The following NOC2L variants were observed in gnomAD, a reference collection of about 807,000 sequenced individuals.
NOC2L encodes NOC2 like nucleolar associated transcriptional repressor.
Under a neutral mutation model 94.2 loss-of-function variants are expected in NOC2L, and 101 were observed. The ratio of observed to expected loss-of-function variants is 1.07; its 90% CI spans 0.91 to 1.26. The LOEUF is 1.26. Among genes scored for constraint, NOC2L ranks in the 50% most tolerant of loss-of-function variants. The probability of loss-of-function intolerance (pLI) is 0.00; values close to 1 mark genes in which losing one functional copy is unlikely to be tolerated. For missense variants in NOC2L, 1,076 were observed against 980.1 expected, an observed-to-expected ratio of 1.10 and a Z score of -1.31; for synonymous variants, 531 against 413.4, an observed-to-expected ratio of 1.28 and a Z score of -3.45.
chr1:945,124 A>G lies in NOC2L; in HGVS notation c.2076T>C (p.Thr692=). Residue 692 remains threonine, a synonymous_variant, in exon 18 of 19, where the codon ACT becomes ACC. Transcript: ENST00000327044. ...CTTCATCGTCTTCCACCCCATGCCG[A>G]GTGCTCAGGGGCCTCAGTATCCCTG... ...SERGILRPLS[T]RHGVEDDEED... is the part of the protein sequence containing the mutation. 2 of 1,611,834 alleles carry G rather than the reference A, an allele frequency of 1.2e-6. No homozygotes were observed. The highest frequency in any genetic ancestry group is 1.1e-5 in the South Asian group (1 of 90,720).
intron 5 of NOC2L, 28 bp downstream of exon 5, chr1:956,067 C>G (rs1231730018): frequency 6.2e-7 from 1 of 1,614,066 alleles, no homozygotes. Context: ...AACAGACAGC[C>G]TGGATGCCAG....
rs1323902833 is a variant in NOC2L, at chr1:957,239, G to A, written c.214C>T (p.Gln72Ter). Residue 72 changes from glutamine (Q) to a stop codon, truncating the protein, a stop_gained, in exon 3 of 19, where the codon CAG becomes TAG. Transcript: ENST00000327044. LOFTEE classifies it high-confidence loss of function. ...TCTCTGTCCTTCAGCCGAGAGAGCT[G>A]GTCTTTGTGCTCAGAGGCACGGCCT... The part of the protein sequence containing the change: ...RKGRASEHKD[Q>*]LSRLKDRDPE... 3.7e-6 allele frequency: 6 copies of A among 1,613,866 alleles called. No homozygotes were observed. The highest frequency in any genetic ancestry group is 5.1e-6 in the Non-Finnish European group (6 of 1,180,024).
At position 946,181 on chromosome 1, in the gene NOC2L, T is replaced by G; in HGVS notation, c.1909A>C (p.Lys637Gln). Reference protein sequence around the residue: ...DREIQLEISGKERLEDLNFPE... With the variant: ...DREIQLEISGQERLEDLNFPE... ...CCCTCGCCGAGCCGCACCCGCTCTT[T>G]GCCACTGATCTCCAGCTGGATCTCC... Residue 637 changes from lysine to glutamine, a missense_variant, in exon 16 of 19, where the codon AAA (lysine) becomes CAA (glutamine). This residue lies in a region of NOC2L where 615 missense variants were observed against 577.4 expected (regional missense o/e 1.07). Coordinates refer to ENST00000327044, the MANE Select transcript of NOC2L (RefSeq NM_015658.4). 6.2e-7 allele frequency: 1 copy of G among 1,610,274 alleles called. No individual in the cohort carries two copies. The highest frequency in any genetic ancestry group is 8.5e-7 in the Non-Finnish European group (1 of 1,177,382).
Position 944,223 on chromosome 1 carries a change from C to T in NOC2L, c.*471G>A. ...ACCACTCAACACAATGGCCCTGCCTCCCACCGCTTTATTTCTTTCGGTTTC... is the reference window on the plus strand; with the variant it reads ...ACCACTCAACACAATGGCCCTGCCTTCCACCGCTTTATTTCTTTCGGTTTC... On this transcript the variant is annotated 3_prime_UTR_variant, in exon 19 of 19. Transcript: ENST00000327044. 3.4e-6 allele frequency: 5 copies of T among 1,467,104 alleles called. No homozygotes were observed. Among genetic ancestry groups the T allele is most frequent in the Non-Finnish European group, 4.5e-6 (5 of 1,110,436 alleles). 90.9% of individuals were successfully genotyped at this position (1,467,104 alleles called of 1,614,324 possible). A position where few individuals can be genotyped will look rare whatever the true frequency, so the allele number is the denominator to read the frequency against.
chr1:956,898 G>A lies in NOC2L; in HGVS notation c.482C>T (p.Ala161Val). Residue 161 changes from alanine to valine, a missense_variant, in exon 4 of 19, where the codon GCA becomes GTA. Around this residue, in one of 3 missense-constraint regions of NOC2L, gnomAD observed 457 missense variants for 386.0 expected, o/e 1.18. Coordinates refer to ENST00000327044, the MANE Select transcript of NOC2L (RefSeq NM_015658.4). ...CCGCCCCTGGCTGCTGCTCACCTTT[G>A]CTGCCTGCTTCCATCTCTCAACCAT... ...VAMVERWKQA[A>V]KQRLTPKLFH... The A allele has an allele frequency of 6.2e-7, 1 of 1,613,624 alleles. No individual in the cohort carries two copies. The highest frequency in any genetic ancestry group is 1.1e-5 in the South Asian group (1 of 91,068).
Position 953,491 on chromosome 1 carries a change from A to G in NOC2L, c.889-203T>C, listed in dbSNP as rs376646230. On this transcript the variant is annotated intron_variant, in intron 8 of 18. Transcript: ENST00000327044. ...TGCTCCTTGTGAGAAGAGGACCACA[A>G]AAGTTTACCACGTCAGACACGCCGA... 5.3e-5 allele frequency among the ~76,000 whole-genome samples: 8 copies of G among 152,374 alleles called. No individual in the cohort carries two copies. The East Asian group carries it at 9.7e-4, about 18-fold the overall frequency.
In NOC2L at chr1:946,205, C is replaced by T; in HGVS notation, c.1885G>A (p.Glu629Lys). ...YSHWRKLRDR[E>K]IQLEISGKER... ...TTGCCACTGATCTCCAGCTGGATCTCCCGGTCACGCAGCTTGCGCCAGTGG... is the reference window on the plus strand; with the variant it reads ...TTGCCACTGATCTCCAGCTGGATCTTCCGGTCACGCAGCTTGCGCCAGTGG... The change falls in exon 16 of 19, where the codon GAG (glutamate) becomes AAG (lysine). Residue 629 changes from glutamate (E) to lysine (K), a missense_variant. Around this residue, in one of 3 missense-constraint regions of NOC2L, gnomAD observed 615 missense variants for 577.4 expected, o/e 1.07. Coordinates refer to ENST00000327044, the MANE Select transcript of NOC2L (RefSeq NM_015658.4). The T allele has an allele frequency of 6.2e-7, 1 of 1,613,310 alleles. No individual in the cohort carries two copies. Among genetic ancestry groups the T allele is most frequent in the Non-Finnish European group, 8.5e-7 (1 of 1,179,496 alleles).
Position 946,200 on chromosome 1 carries a change from G to C in NOC2L, c.1890C>G (p.Ile630Met). The change falls in exon 16 of 19, where the codon ATC (isoleucine) becomes ATG (methionine). Residue 630 changes from isoleucine to methionine, a missense_variant. By Grantham distance (10) the Ile-to-Met change is conservative (BLOSUM62 1). Coordinates refer to ENST00000327044, the MANE Select transcript of NOC2L (RefSeq NM_015658.4). ...SHWRKLRDRE[I>M]QLEISGKERL... ...GCTCTTTGCCACTGATCTCCAGCTG[G>C]ATCTCCCGGTCACGCAGCTTGCGCC... 1.2e-6 allele frequency: 2 copies of C among 1,612,996 alleles called. No individual in the cohort carries two copies. The highest frequency in any genetic ancestry group is 1.7e-6 in the Non-Finnish European group (2 of 1,179,304).
intron 16 of NOC2L, 128 bp from the exon 17 acceptor site, chr1:945,781 A>C: frequency 2.6e-6 from 3 of 1,174,004 alleles, no homozygotes; most frequent in East Asian, 2.3e-5. Flanking sequence ...TCTGTTCCCA[A>C]ATCACAAAGC....
chr1:946,425 C>G lies in NOC2L; in HGVS notation c.1780G>C (p.Gly594Arg). The change falls in exon 15 of 19, where the codon GGC (glycine) becomes CGC (arginine). Residue 594 changes from glycine (G) to arginine (R), a missense_variant. Coordinates refer to ENST00000327044, the MANE Select transcript of NOC2L (RefSeq NM_015658.4). ...ICSRRQRVSF[G>R]VSEQQAVEAW... ...ACCACTGCCTGCTGCTCAGAGACGC[C>G]GAAGGAAACCCTCTGGCGGCGGCTG... 6.2e-7 allele frequency: 1 copy of G among 1,613,530 alleles called. No individual in the cohort carries two copies. Among genetic ancestry groups the G allele is most frequent in the Non-Finnish European group, 8.5e-7 (1 of 1,180,014 alleles).
intron 5 of NOC2L, 35 bp downstream of exon 5, chr1:956,060 A>G (rs1384831430): frequency 1.1e-5 from 17 of 1,614,002 alleles, no homozygotes; most frequent in Non-Finnish European, 1.4e-5. Context: ...AGAACGCAAC[A>G]GACAGCCTGG....
rs1133980 is a variant in NOC2L, at chr1:944,372, G to A, written c.*322C>T. On this transcript the variant is annotated 3_prime_UTR_variant, in exon 19 of 19. Coordinates refer to ENST00000327044, the MANE Select transcript of NOC2L (RefSeq NM_015658.4). ...GGACGAGGTCTGCAGACGGAGGGCA[G>A]AGGTGGTGGAAGGGGCCAGGGGCCT... 7.4e-7 allele frequency: 1 copy of A among 1,358,466 alleles called. No homozygotes were observed. Among genetic ancestry groups the A allele is most frequent in the Non-Finnish European group, 9.4e-7 (1 of 1,060,422 alleles). 84.2% of individuals were successfully genotyped at this position (1,358,466 alleles called of 1,614,324 possible). A position where few individuals can be genotyped will look rare whatever the true frequency, so the allele number is the denominator to read the frequency against.
chr1:944,960 A>G lies in NOC2L; in HGVS notation c.2143+97T>C, dbSNP rs771170915. The G allele has an allele frequency of 4.4e-5, 70 of 1,575,732 alleles. No individual in the cohort carries two copies. In the Admixed American group the frequency reaches 1.2e-3, roughly 27 times the overall value. ...GGCCTGGCCTTCCCAGGGAGGGAAAAGCCTGGCCCAGAGCCCCACGCCCCC... is the reference window on the plus strand; with the variant it reads ...GGCCTGGCCTTCCCAGGGAGGGAAAGGCCTGGCCCAGAGCCCCACGCCCCC... On this transcript the variant is annotated intron_variant, in intron 18 of 18. Coordinates refer to ENST00000327044, the MANE Select transcript of NOC2L (RefSeq NM_015658.4).
intron 18 of NOC2L, 100 bp downstream of exon 18, chr1:944,956 GA>G: frequency 6.4e-7 from 1 of 1,573,934 alleles, no homozygotes. Context: ...CCCAGGGAGG[GA>G]AAAGCCTGGC....
chr1:946,081 C>G, intron 16 of NOC2L, 92 bp downstream of exon 16: 1 of 1,007,632 alleles, frequency 9.9e-7, no homozygotes, highest in South Asian at 1.5e-5. Context: ...GGCACTGTTT[C>G]CAAACCCTCG....
In NOC2L at chr1:956,151, G is replaced by A; in HGVS notation, c.551C>T (p.Thr184Ile). ...VQAFRAAVAT[T>I]RGDQESAEAN... ...CTCAGCACTTTCCTGGTCCCCTCGG[G>A]TGGTGGCCACAGCTGCTCGGAACGC... is the stretch of plus-strand genomic sequence containing the variant. The change falls in exon 5 of 19, where the codon ACC (threonine) becomes ATC (isoleucine). Residue 184 changes from threonine (T) to isoleucine (I), a missense_variant. Transcript: ENST00000327044. The A allele has an allele frequency of 6.2e-7, 1 of 1,613,972 alleles. No individual in the cohort carries two copies. Among genetic ancestry groups the A allele is most frequent in the Non-Finnish European group, 8.5e-7 (1 of 1,180,016 alleles).
intron 16 of NOC2L, 109 bp from the exon 17 acceptor site, chr1:945,762 C>G: frequency 2.2e-6 from 3 of 1,346,320 alleles, no homozygotes; most frequent in Non-Finnish European, 3.1e-6. Flanking sequence ...TGGCCAATTT[C>G]TAGTCCCCTC....
chr1:957,837 G>A (rs973023642), intron 2 of NOC2L: 15 of 158,338 alleles, frequency 9.5e-5, no homozygotes, highest in South Asian at 1.8e-4. Flanking sequence ...GACGGTCTAC[G>A]GCACCTGGCT....
chr1:957,546 G>C (rs1259039289), intron 2 of NOC2L: 2 of 453,336 alleles, frequency 4.4e-6, no homozygotes, highest in Non-Finnish European at 8.1e-6. Flanking sequence ...GTCTTCCCTG[G>C]ACTTGCTGTG....
Sources: gnomAD v4.1 joint callset for allele counts (sites outside exome capture counted in the v4.1 genomes callset) on GRCh38, gnomAD v4.1.1 for gene constraint, gnomAD v4.1.1 regional missense constraint, MANE v1.5 for transcripts, NCBI Gene and HGNC (gene_info 2026-07-23, HGNC 2026-07-21) for gene names.